Variants in TOX observed in about 807,000 individuals in gnomAD.
TOX encodes the protein thymocyte selection associated high mobility group box.
Under a neutral mutation model 53.7 loss-of-function variants are expected in TOX, and 11 were observed. The observed-to-expected ratio is 0.20, with a 90% CI of 0.13 to 0.34. The LOEUF is 0.34. TOX is among the 10% of genes least tolerant of loss of function. TOX has a pLI of 1.00. For missense variants in TOX, 570 were observed against 664.6 expected (o/e 0.86, Z 1.56); for synonymous variants, 225 against 245.3 (o/e 0.92, Z 0.77).
Position 58,997,212 on chromosome 8 carries a change from T to A in TOX, c.103-37204A>T, listed in dbSNP as rs144128776. Among the ~76,000 whole-genome samples the A allele has an allele frequency of 3.5e-3, 533 of 152,272 alleles. 4 individuals are homozygous for A. Among genetic ancestry groups the A allele is most frequent in the Non-Finnish European group, 5.4e-3 (367 of 68,022 alleles). Reference sequence around the variant, plus strand: ...AGCTGTAGCAGTCTATGAGGAAAGGTGAGTATTCACAAATAGATTTGATGA... The same window carrying A: ...AGCTGTAGCAGTCTATGAGGAAAGGAGAGTATTCACAAATAGATTTGATGA... On this transcript the variant is annotated intron_variant, in intron 1 of 8. Coordinates refer to ENST00000361421, the MANE Select transcript of TOX (RefSeq NM_014729.3).
In TOX at chr8:58,814,213, C is replaced by T. The variant is rs554594731; in HGVS notation, c.1392+1125G>A. Among the ~76,000 whole-genome samples the T allele has an allele frequency of 7.9e-5, 12 of 152,046 alleles. No individual in the cohort carries two copies. In the South Asian group the frequency reaches 8.3e-4, roughly 11 times the overall value. ...TGATTTCTTTTTCTGCCTCTCCTTC[C>T]GCTTCATCTCGATCCCAGTCCAACT... On this transcript the variant is annotated intron_variant, in intron 7 of 8. Transcript: ENST00000361421.
At chr8:58,868,002 G>T (rs780231937) in intron 3 of TOX, among the ~76,000 whole-genome samples, 10 of 152,062 alleles carry the variant, frequency 6.6e-5, no homozygotes, top group Non-Finnish European at 1.2e-4. Flanking sequence ...ATCTCATGTT[G>T]AATTGTAGCT....
chr8:59,115,971 A>C (rs1805092665), intron 1 of TOX, among the ~76,000 whole-genome samples: 1 of 152,144 alleles, frequency 6.6e-6, no homozygotes, highest in East Asian at 1.9e-4. Flanking sequence ...CAATCTATAG[A>C]GCAGCAGTGC....
At chr8:59,070,548 CAG>C (rs1554543983) in intron 1 of TOX, among the ~76,000 whole-genome samples, 186 of 146,434 alleles carry the variant, frequency 1.3e-3, no homozygotes, top group African/African-American at 4.3e-3. Context: ...CACACACACA[CAG>C]GGAGACCTAA....
intron 1 of TOX, among the ~76,000 whole-genome samples, chr8:59,054,678 C>A (rs1463457982): frequency 6.6e-6 from 1 of 151,854 alleles, no homozygotes; most frequent in African/African-American, 2.4e-5. Flanking sequence ...GAAGTTTCCT[C>A]GCCACAAACC....
intron 6 of TOX, among the ~76,000 whole-genome samples, chr8:58,825,028 GT>G (rs1227124472): frequency 6.6e-6 from 1 of 152,162 alleles, no homozygotes; most frequent in Non-Finnish European, 1.5e-5. Flanking sequence ...GAAAAAATAT[GT>G]TTAAATATGA....
chr8:59,088,461 AT>A (rs1804551570), intron 1 of TOX, among the ~76,000 whole-genome samples: 1 of 152,122 alleles, frequency 6.6e-6, no homozygotes, highest in Non-Finnish European at 1.5e-5. Context: ...TAGGCCAAAA[AT>A]TTTTCTAGAT....
intron 3 of TOX, among the ~76,000 whole-genome samples, chr8:58,909,168 G>A (rs1811868545): frequency 1.3e-5 from 2 of 152,120 alleles, no homozygotes; most frequent in African/African-American, 4.8e-5. Context: ...TATCATTGAG[G>A]TGGAGCCCAG....
chr8:58,913,248 TG>T (rs1157442251), intron 3 of TOX, among the ~76,000 whole-genome samples: 1 of 152,162 alleles, frequency 6.6e-6, no homozygotes, highest in Non-Finnish European at 1.5e-5. Context: ...GCCAGGAGTT[TG>T]GGGCTGCAGT....
intron 1 of TOX, among the ~76,000 whole-genome samples, chr8:59,079,741 C>A (rs950615248): frequency 2.0e-5 from 3 of 152,170 alleles, no homozygotes; most frequent in African/African-American, 7.2e-5. Flanking sequence ...GGGTTAGAAG[C>A]CCCACACACA....
At chr8:58,961,577 G>T (rs1176765262) in intron 1 of TOX, among the ~76,000 whole-genome samples, 1 of 151,374 alleles carries the variant, frequency 6.6e-6, no homozygotes, top group Non-Finnish European at 1.5e-5. Flanking sequence ...CACCCAGGCT[G>T]AGTGAAATGG....
chr8:59,102,227 G>GTGTT (rs541711837), intron 1 of TOX, among the ~76,000 whole-genome samples: 15 of 152,180 alleles, frequency 9.9e-5, no homozygotes, highest in Admixed American at 3.9e-4. Flanking sequence ...CTCCCGTTTT[G>GTGTT]TGTTTGTTTG....
At chr8:59,074,809 C>T (rs1239689842) in intron 1 of TOX, among the ~76,000 whole-genome samples, 1 of 152,062 alleles carries the variant, frequency 6.6e-6, no homozygotes, top group Non-Finnish European at 1.5e-5. Flanking sequence ...AGAGAATGTC[C>T]AACACTCAGA....
chr8:58,978,899 G>T (rs561946761), intron 1 of TOX, among the ~76,000 whole-genome samples: 1 of 152,222 alleles, frequency 6.6e-6, no homozygotes, highest in South Asian at 2.1e-4. Flanking sequence ...TATTTTTTGT[G>T]GACACAATTA....
At chr8:59,041,101 T>TGTGA (rs1403996691) in intron 1 of TOX, among the ~76,000 whole-genome samples, 1 of 151,906 alleles carries the variant, frequency 6.6e-6, no homozygotes, top group Non-Finnish European at 1.5e-5. Context: ...TGTGTGTGTG[T>TGTGA]GTGTGTGTGT....
intron 2 of TOX, among the ~76,000 whole-genome samples, chr8:58,946,188 C>G (rs910421715): frequency 6.6e-6 from 1 of 152,098 alleles, no homozygotes; most frequent in Admixed American, 6.6e-5. Flanking sequence ...AATGTTTAAA[C>G]ATGTTTCATC....
intron 2 of TOX, among the ~76,000 whole-genome samples, chr8:58,940,271 T>A (rs1405376080): frequency 6.6e-6 from 1 of 150,590 alleles, no homozygotes. Flanking sequence ...AAAATAGTAC[T>A]AATATTATTA....
chr8:59,100,683 T>A (rs146774673), intron 1 of TOX, among the ~76,000 whole-genome samples: 1 of 152,338 alleles, frequency 6.6e-6, no homozygotes, highest in Non-Finnish European at 1.5e-5. Context: ...GATGTTTACC[T>A]TTTGAAACCC....
intron 1 of TOX, among the ~76,000 whole-genome samples, chr8:59,022,779 A>G (rs1814160811): frequency 6.6e-6 from 1 of 152,178 alleles, no homozygotes; most frequent in East Asian, 1.9e-4. Context: ...CAGGTGAGCA[A>G]TCAGGAGCTA....
Sources: allele counts gnomAD v4.1 joint callset (sites outside exome capture counted in the v4.1 genomes callset), GRCh38; gene constraint gnomAD v4.1.1; transcripts MANE v1.5; gene names NCBI Gene and HGNC (gene_info 2026-07-23, HGNC 2026-07-21).